LZTFL1: variants seen among roughly 807,000 people sequenced by gnomAD.
The protein encoded by LZTFL1 is leucine zipper transcription factor like 1.
In LZTFL1, 25 loss-of-function variants were observed where a neutral mutation model predicts 45.9. The ratio of observed to expected loss-of-function variants is 0.54; its 90% CI spans 0.40 to 0.76. The LOEUF (loss-of-function observed/expected upper bound fraction) is 0.76, where lower values mean the gene tolerates loss of function less well. Among genes scored for constraint, LZTFL1 ranks in the 30% least tolerant of loss-of-function variants. LZTFL1 has a pLI of 0.00. For missense variants in LZTFL1, 277 were observed against 331.1 expected (o/e 0.84, Z 1.27); for synonymous variants, 93 against 117.4 (o/e 0.79, Z 1.35).
At chr3:45,842,963 G>A (rs796578118), upstream of LZTFL1, among the ~76,000 whole-genome samples, 29 of 152,330 alleles carry the variant, frequency 1.9e-4, no homozygotes, top group African/African-American at 6.5e-4. Flanking sequence ...ATGATACAGA[G>A]GTGATGTGCA....
chr3:45,856,412 A>T (rs571839039), intron 3 of LZTFL1, among the ~76,000 whole-genome samples: 1 of 152,244 alleles, frequency 6.6e-6, no homozygotes, highest in East Asian at 1.9e-4. Flanking sequence ...TTAAATGTAA[A>T]ACCCAAAACT....
chr3:45,835,716 T>G lies in LZTFL1; in HGVS notation c.197A>C (p.His66Pro). The change falls in exon 3 of 10, where the codon CAT becomes CCT. Residue 66 changes from histidine (H) to proline (P), a missense_variant. Coordinates refer to ENST00000296135, the MANE Select transcript of LZTFL1 (RefSeq NM_020347.4). ...EVLNGLQAVV[H>P]SEVESELINT... ...GATGAGCTCAGATTCCACCTCACTA[T>G]GAACCACAGCTTGTAATCCATTGAG... 6.2e-7 allele frequency: 1 copy of G among 1,614,182 alleles called. No homozygotes were observed. Among genetic ancestry groups the G allele is most frequent in the Non-Finnish European group, 8.5e-7 (1 of 1,180,006 alleles).
chr3:45,829,179 T>C (rs1012636111), intron 7 of LZTFL1, among the ~76,000 whole-genome samples: 8 of 152,212 alleles, frequency 5.3e-5, no homozygotes, highest in Non-Finnish European at 8.8e-5. Flanking sequence ...TTGACAACTA[T>C]AGCATAAGAC....
chr3:45,854,056 C>T (rs1321459523), intron 4 of LZTFL1, among the ~76,000 whole-genome samples: 1 of 152,220 alleles, frequency 6.6e-6, no homozygotes, highest in African/African-American at 2.4e-5. Context: ...ACTATGGACA[C>T]CTCCTCCTTT....
At chr3:45,863,040 A>G (rs1465607462) in intron 2 of LZTFL1, among the ~76,000 whole-genome samples, 1 of 152,238 alleles carries the variant, frequency 6.6e-6, no homozygotes, top group African/African-American at 2.4e-5. Flanking sequence ...GAGACCCAAG[A>G]ATAATTCAAT....
chr3:45,862,643 C>G (rs1575275518), intron 2 of LZTFL1, among the ~76,000 whole-genome samples: 3 of 152,356 alleles, frequency 2.0e-5, no homozygotes, highest in Admixed American at 2.0e-4. Context: ...GGAAAGAAAT[C>G]TTACTTGCTG....
At chr3:45,878,451 G>C (rs1450089509) in intron 2 of LZTFL1, among the ~76,000 whole-genome samples, 1 of 152,056 alleles carries the variant, frequency 6.6e-6, no homozygotes, top group Non-Finnish European at 1.5e-5. Context: ...TATACTATAG[G>C]GCCAGGGACA....
intron 2 of LZTFL1, among the ~76,000 whole-genome samples, chr3:45,860,463 GC>G (rs1456474206): frequency 2.7e-5 from 2 of 73,612 alleles, no homozygotes; most frequent in African/African-American, 4.4e-5. Context: ...TCTTATAAAT[GC>G]TTTTTTTTTT....
At position 45,828,106 on chromosome 3, in the gene LZTFL1, C is replaced by A. The variant is rs550427860; in HGVS notation, c.777+333G>T. 9.2e-5 allele frequency among the ~76,000 whole-genome samples: 14 copies of A among 152,146 alleles called. No individual in the cohort carries two copies. The South Asian group carries it at 2.9e-3, about 32-fold the overall frequency. On this transcript the variant is annotated intron_variant, in intron 8 of 9. Transcript: ENST00000296135. ...AAAGTATAGAAGTCCTTAAAAAAAA[C>A]AGTCCCTCATCCCTCTGCAGGCTGT... is the stretch of plus-strand genomic sequence containing the variant.
intron 2 of LZTFL1, chr3:45,883,967 A>ATG (rs1311637565): frequency 8.2e-6 from 3 of 368,088 alleles, no homozygotes; most frequent in Non-Finnish European, 1.6e-5. Flanking sequence ...TGACAAATGA[A>ATG]TGTGCTGCAC....
chr3:45,870,795 C>T (rs528953430), intron 2 of LZTFL1, among the ~76,000 whole-genome samples: 45 of 152,356 alleles, frequency 3.0e-4, no homozygotes, highest in Non-Finnish European at 7.3e-5. Context: ...CCTTCACCAC[C>T]TTCCACCACC....
At chr3:45,881,720 G>A (rs760446673) in intron 2 of LZTFL1, among the ~76,000 whole-genome samples, 11 of 152,166 alleles carry the variant, frequency 7.2e-5, no homozygotes, top group Admixed American at 2.0e-4. Context: ...AACCAGTATA[G>A]CTAAAGCCTG....
At chr3:45,842,534 C>T (rs910077667), upstream of LZTFL1, among the ~76,000 whole-genome samples, 1 of 151,992 alleles carries the variant, frequency 6.6e-6, no homozygotes, top group Non-Finnish European at 1.5e-5. Flanking sequence ...GACAGGCCAA[C>T]AACACCAATG....
At chr3:45,851,137 C>T (rs527922438) in intron 4 of LZTFL1, among the ~76,000 whole-genome samples, 4 of 152,206 alleles carry the variant, frequency 2.6e-5, no homozygotes, top group South Asian at 2.1e-4. Flanking sequence ...AAATGCTTCT[C>T]GCTAATCATC....
chr3:45,874,428 T>C (rs1295107034), intron 2 of LZTFL1, among the ~76,000 whole-genome samples: 1 of 152,022 alleles, frequency 6.6e-6, no homozygotes, highest in Non-Finnish European at 1.5e-5. Context: ...CTATGGGGAG[T>C]GTATCTTTTA....
chr3:45,907,955 T>C (rs971188034), intron 2 of LZTFL1, among the ~76,000 whole-genome samples: 1 of 152,182 alleles, frequency 6.6e-6, no homozygotes, highest in African/African-American at 2.4e-5. Flanking sequence ...TGGAAAATGT[T>C]TGGAGACTTG....
chr3:45,867,130 A>T (rs1163257264), intron 2 of LZTFL1, among the ~76,000 whole-genome samples: 2 of 139,946 alleles, frequency 1.4e-5, no homozygotes, highest in Non-Finnish European at 3.0e-5. Context: ...CCTGGGTGAC[A>T]GAGCAAGACT....
At chr3:45,850,135 C>T (rs895792627) in intron 4 of LZTFL1, among the ~76,000 whole-genome samples, 7 of 152,186 alleles carry the variant, frequency 4.6e-5, no homozygotes, top group Non-Finnish European at 8.8e-5. Context: ...TTAAAACCTT[C>T]TACAATGTGA....
rs1316932312 is a variant in LZTFL1, at chr3:45,826,128, A to G, written c.*186T>C. On this transcript the variant is annotated 3_prime_UTR_variant, in exon 10 of 10. Coordinates refer to ENST00000296135, the MANE Select transcript of LZTFL1 (RefSeq NM_020347.4). ...GTAGAGAGGTGTGTGGGATGACCAG[A>G]CAGAATCACTAGGTTTTCTCTGTTT... 1.7e-6 allele frequency: 1 copy of G among 599,910 alleles called. No individual in the cohort carries two copies. Among genetic ancestry groups the G allele is most frequent in the East Asian group, 2.8e-5 (1 of 35,698 alleles). 37.2% of individuals were successfully genotyped at this position (599,910 alleles called of 1,614,324 possible).
Sources: allele counts gnomAD v4.1 joint callset (sites outside exome capture counted in the v4.1 genomes callset), GRCh38; gene constraint gnomAD v4.1.1; transcripts MANE v1.5; gene names NCBI Gene and HGNC (gene_info 2026-07-23, HGNC 2026-07-21).